Variants in PCDHGA2 observed in about 807,000 individuals in gnomAD.
PCDHGA2 encodes protocadherin gamma subfamily A, 2.
In PCDHGA2, 40 loss-of-function variants were observed where a neutral mutation model predicts 59.2. That is an observed-to-expected ratio of 0.68 (90% CI 0.52 to 0.88). The LOEUF (loss-of-function observed/expected upper bound fraction) is 0.88, where lower values mean the gene tolerates loss of function less well. Ranked by LOEUF, PCDHGA2 falls within the 40% of genes least tolerant of loss-of-function variation. PCDHGA2 has a pLI of 0.00. For synonymous variants in PCDHGA2, 560 were observed against 526.0 expected, an observed-to-expected ratio of 1.06 and a Z score of -0.89; for missense variants, 1,226 against 1,204.0, an observed-to-expected ratio of 1.02 and a Z score of -0.27.
intron 1 of PCDHGA2, chr5:141,360,894 G>A (rs1262954387): frequency 6.2e-7 from 1 of 1,613,912 alleles, no homozygotes; most frequent in Non-Finnish European, 8.5e-7. Context: ...CCCTGAGGGA[G>A]GACGTGCCGC....
At position 141,350,575 on chromosome 5, in the gene PCDHGA2, G is replaced by C. The variant is rs777214956; in HGVS notation, c.2424+9180G>C. On this transcript the variant is annotated intron_variant, in intron 1 of 3. Transcript: ENST00000394576. Reference sequence around the variant, plus strand: ...TTGAGTGTGCACTAGAATTCGAAACGGTCGCTGAAAACCCAATGAATGTTT... The same window carrying C: ...TTGAGTGTGCACTAGAATTCGAAACCGTCGCTGAAAACCCAATGAATGTTT... The C allele has an allele frequency of 1.1e-5, 18 of 1,613,906 alleles. No individual in the cohort carries two copies. In the East Asian group the frequency reaches 3.6e-4, roughly 32 times the overall value.
chr5:141,481,030 C>A (rs1277171839), intron 1 of PCDHGA2, among the ~76,000 whole-genome samples: 1 of 152,024 alleles, frequency 6.6e-6, no homozygotes, highest in African/African-American at 2.4e-5. Context: ...TGCACTCCAG[C>A]CTGGGCGACA....
At chr5:141,404,399 G>A in intron 1 of PCDHGA2, 2 of 1,613,896 alleles carry the variant, frequency 1.2e-6, no homozygotes, top group Non-Finnish European at 1.7e-6. Context: ...TGATAGCAAT[G>A]AGAATTCTAG....
At chr5:141,472,855 A>C (rs1179268125) in intron 1 of PCDHGA2, among the ~76,000 whole-genome samples, 3 of 151,078 alleles carry the variant, frequency 2.0e-5, no homozygotes, top group African/African-American at 7.3e-5. Flanking sequence ...GCATGGTGGC[A>C]CATGCCTGTA....
intron 1 of PCDHGA2, among the ~76,000 whole-genome samples, chr5:141,452,761 G>A (rs1291983570): frequency 6.6e-6 from 1 of 152,036 alleles, no homozygotes; most frequent in East Asian, 1.9e-4. Flanking sequence ...AGGAAGGGAG[G>A]GAGGGAAAAC....
chr5:141,430,595 G>A (rs549786394), intron 1 of PCDHGA2: 28 of 567,134 alleles, frequency 4.9e-5, no homozygotes, highest in African/African-American at 3.8e-4. Flanking sequence ...CCTTGCACGC[G>A]CCTGAAGCAC....
intron 1 of PCDHGA2, among the ~76,000 whole-genome samples, chr5:141,347,209 A>G (rs760335658): frequency 2.5e-5 from 3 of 119,672 alleles, no homozygotes; most frequent in Non-Finnish European, 5.1e-5. Context: ...TCTGGAGTGC[A>G]GTGGCATGAT....
In PCDHGA2 at chr5:141,378,672, A is replaced by T. The variant is rs367846333; in HGVS notation, c.2424+37277A>T. ...GTTAATGAGGTTCAAATAAAAATTTAAATATTTTAGCATTTTAACCCAGAC... is the reference window on the plus strand; with the variant it reads ...GTTAATGAGGTTCAAATAAAAATTTTAATATTTTAGCATTTTAACCCAGAC... On this transcript the variant is annotated intron_variant, in intron 1 of 3. Coordinates refer to ENST00000394576, the MANE Select transcript of PCDHGA2 (RefSeq NM_018915.4). The T allele has an allele frequency of 1.8e-4, 28 of 152,392 alleles. 3 individuals are homozygous for T. Among genetic ancestry groups the T allele is most frequent in the Admixed American group, 1.5e-3 (23 of 15,312 alleles). 9.4% of individuals were successfully genotyped at this position (152,392 alleles called of 1,614,324 possible). A position where few individuals can be genotyped will look rare whatever the true frequency, so the allele number is the denominator to read the frequency against.
chr5:141,459,404 G>C (rs2098967432), intron 1 of PCDHGA2, among the ~76,000 whole-genome samples: 1 of 152,182 alleles, frequency 6.6e-6, no homozygotes, highest in Non-Finnish European at 1.5e-5. Flanking sequence ...GAGCAGTATT[G>C]CATTGTGTGG....
intron 1 of PCDHGA2, chr5:141,383,918 TA>T: frequency 6.2e-7 from 1 of 1,613,948 alleles, no homozygotes; most frequent in Non-Finnish European, 8.5e-7. Flanking sequence ...GTTTTAGATG[TA>T]AATGATAATG....
At chr5:141,478,603 A>C (rs116528962) in intron 1 of PCDHGA2, 173 of 1,563,096 alleles carry the variant, frequency 1.1e-4, no homozygotes, top group Non-Finnish European at 1.4e-4. Context: ...CCTACATCAT[A>C]TTGAGGAAGG....
At position 141,511,462 on chromosome 5, in the gene PCDHGA2, C is replaced by A. The variant is rs1385398410; in HGVS notation, c.*289C>A. ...AGACACCAAGAACCATTTGCCACAC[C>A]CCGTTTAGTTACAGCTGAACTCCTC... On this transcript the variant is annotated 3_prime_UTR_variant, in exon 4 of 4. Coordinates refer to ENST00000394576, the MANE Select transcript of PCDHGA2 (RefSeq NM_018915.4). The A allele has an allele frequency of 4.7e-5, 26 of 556,350 alleles. No individual in the cohort carries two copies. Among genetic ancestry groups the A allele is most frequent in the Non-Finnish European group, 9.1e-6 (3 of 329,202 alleles). 34.5% of individuals were successfully genotyped at this position (556,350 alleles called of 1,614,324 possible). A position where few individuals can be genotyped will look rare whatever the true frequency, so the allele number is the denominator to read the frequency against.
Position 141,490,400 on chromosome 5 carries a change from T to A in PCDHGA2, c.2425-4407T>A. On this transcript the variant is annotated intron_variant, in intron 1 of 3. Coordinates refer to ENST00000394576, the MANE Select transcript of PCDHGA2 (RefSeq NM_018915.4). This position sits in a 1 kb window ranked among gnomAD's most constrained non-coding sequence, Gnocchi z 5.4. ...TCAGGTAGAAATGGTGAAGTGAGCC[T>A]TGATATCTCTCCGGACCTGCCATTT... The A allele has an allele frequency of 6.2e-7, 1 of 1,614,202 alleles. No homozygotes were observed. Among genetic ancestry groups the A allele is most frequent in the Non-Finnish European group, 8.5e-7 (1 of 1,180,032 alleles).
At chr5:141,369,792 G>C (rs1166011408) in intron 1 of PCDHGA2, among the ~76,000 whole-genome samples, 1 of 152,158 alleles carries the variant, frequency 6.6e-6, no homozygotes, top group Non-Finnish European at 1.5e-5. Context: ...TTTATACTAC[G>C]TCTTCTGCCA....
At chr5:141,471,495 T>A (rs539663010) in intron 1 of PCDHGA2, 1 of 152,318 alleles carries the variant, frequency 6.6e-6, no homozygotes, top group East Asian at 1.9e-4. Flanking sequence ...ATTTAGGGAA[T>A]GCAAGAGAGG....
intron 1 of PCDHGA2, among the ~76,000 whole-genome samples, chr5:141,348,279 G>A (rs778473192): frequency 8.5e-5 from 13 of 152,326 alleles, no homozygotes; most frequent in Non-Finnish European, 1.3e-4. Flanking sequence ...TGTAAGCAGA[G>A]TAAGGTGTAT....
chr5:141,384,493 G>A lies in PCDHGA2; in HGVS notation c.2424+43098G>A, dbSNP rs370485526. The A allele has an allele frequency of 6.2e-7, 1 of 1,614,056 alleles. No individual in the cohort carries two copies. The highest frequency in any genetic ancestry group is 1.3e-5 in the African/African-American group (1 of 74,948). ...GCAGTTGAGAGAACTACAACTAAGA[G>A]TGACTGCACATGACAGCGGGGACCC... On this transcript the variant is annotated intron_variant, in intron 1 of 3. Coordinates refer to ENST00000394576, the MANE Select transcript of PCDHGA2 (RefSeq NM_018915.4).
At chr5:141,501,318 C>T (rs1273608837) in intron 2 of PCDHGA2, among the ~76,000 whole-genome samples, 1 of 151,766 alleles carries the variant, frequency 6.6e-6, no homozygotes, top group African/African-American at 2.4e-5. Flanking sequence ...CACACACACA[C>T]ACACACACAC....
rs199658498 is a variant in PCDHGA2 at position 141,394,428 on chromosome 5, G to C, written c.2424+53033G>C. 4 of 1,614,114 alleles carry C rather than the reference G, an allele frequency of 2.5e-6. No individual in the cohort carries two copies. In the East Asian group the frequency reaches 6.7e-5, roughly 27 times the overall value. ...ACTGGTAACAGCCAGCGACAGCGGGGACCCGCCCCTCAGCAGCAACATGTC... is the reference window on the plus strand; with the variant it reads ...ACTGGTAACAGCCAGCGACAGCGGGCACCCGCCCCTCAGCAGCAACATGTC... On this transcript the variant is annotated intron_variant, in intron 1 of 3. Coordinates refer to ENST00000394576, the MANE Select transcript of PCDHGA2 (RefSeq NM_018915.4).
Sources: allele counts gnomAD v4.1 joint callset (sites outside exome capture counted in the v4.1 genomes callset), GRCh38; gene constraint gnomAD v4.1.1; non-coding constraint Gnocchi (gnomAD v3.1); transcripts MANE v1.5; gene names NCBI Gene and HGNC (gene_info 2026-07-23, HGNC 2026-07-21).